Variants in DNER observed in about 807,000 individuals in gnomAD.
DNER encodes delta and Notch-like epidermal growth factor-related receptor.
A neutral mutation model predicts 78.2 loss-of-function variants in DNER; 33 were observed. That is an observed-to-expected ratio of 0.42 (90% CI 0.32 to 0.56). DNER has a LOEUF of 0.56. DNER is among the 20% of genes least tolerant of loss of function. DNER has a pLI of 0.11. For synonymous variants in DNER, 417 were observed against 384.8 expected (o/e 1.08, Z -0.98); for missense variants, 918 against 975.3 (o/e 0.94, Z 0.78).
intron 1 of DNER, among the ~76,000 whole-genome samples, chr2:229,693,634 G>C (rs894396657): frequency 6.6e-6 from 1 of 152,124 alleles, no homozygotes; most frequent in Non-Finnish European, 1.5e-5. Flanking sequence ...CCAGAGTAAA[G>C]GTCACTCTTG....
At chr2:229,544,078 GA>G (rs200365741) in intron 5 of DNER, among the ~76,000 whole-genome samples, 2 of 151,622 alleles carry the variant, frequency 1.3e-5, no homozygotes, top group African/African-American at 4.9e-5. Context: ...AATTAAAAAA[GA>G]AAAAAAATAT....
At chr2:229,563,590 ACATCATCACCCCATCACCATCAT>A (rs1190399581) in intron 4 of DNER, among the ~76,000 whole-genome samples, 1 of 94,366 alleles carries the variant, frequency 1.1e-5, no homozygotes, top group Non-Finnish European at 2.1e-5. Flanking sequence ...ATCATCATTA[ACATCATCACCCCATCACCATCAT>A]CATCATCACC....
chr2:229,370,041 T>C (rs1200117258), intron 11 of DNER, among the ~76,000 whole-genome samples: 1 of 152,172 alleles, frequency 6.6e-6, no homozygotes, highest in Non-Finnish European at 1.5e-5. Context: ...ACAGGACTCT[T>C]CTCACTGTCC....
At chr2:229,640,561 G>C (rs960968120) in intron 1 of DNER, among the ~76,000 whole-genome samples, 2 of 152,006 alleles carry the variant, frequency 1.3e-5, no homozygotes, top group African/African-American at 4.8e-5. Context: ...TTTCAAATCA[G>C]TTTAGCTTTA....
At chr2:229,518,910 C>A (rs1478359712) in intron 5 of DNER, among the ~76,000 whole-genome samples, 1 of 151,878 alleles carries the variant, frequency 6.6e-6, no homozygotes, top group Non-Finnish European at 1.5e-5. Context: ...GTCTTTAGAA[C>A]TCATGTTTCA....
intron 1 of DNER, among the ~76,000 whole-genome samples, chr2:229,698,865 G>A (rs890373266): frequency 6.6e-5 from 10 of 152,116 alleles, no homozygotes; most frequent in African/African-American, 2.4e-4. Flanking sequence ...AGAAATAAAA[G>A]AATTCCCTTT....
In DNER at chr2:229,581,898, T is replaced by C. The variant is rs547593182; in HGVS notation, c.847+3960A>G. The stretch of plus-strand genomic sequence containing the variant: ...TGTTTATTTTTATTTATTTATTTAT[T>C]ATCCAGCTGAATTTAAGATTTGTGG... On this transcript the variant is annotated intron_variant, in intron 4 of 12. Transcript: ENST00000341772. Among the ~76,000 whole-genome samples, 144 of 152,332 alleles carry C rather than the reference T, an allele frequency of 9.5e-4. 1 individual carries two copies. Among genetic ancestry groups the C allele is most frequent in the African/African-American group, 3.3e-3 (137 of 41,574 alleles).
At chr2:229,551,893 C>T (rs1026162784) in intron 4 of DNER, among the ~76,000 whole-genome samples, 1 of 151,940 alleles carries the variant, frequency 6.6e-6, no homozygotes, top group African/African-American at 2.4e-5. Flanking sequence ...GATTGCACCA[C>T]TGCACTCCAG....
At position 229,444,939 on chromosome 2, in the gene DNER, G is replaced by A. The variant is rs111605024; in HGVS notation, c.1486+2377C>T. Among the ~76,000 whole-genome samples, 910 of 152,264 alleles carry A rather than the reference G, an allele frequency of 6.0e-3. 9 individuals carry two copies. The highest frequency in any genetic ancestry group is 0.02 in the African/African-American group (845 of 41,554). On this transcript the variant is annotated intron_variant, in intron 8 of 12. Transcript: ENST00000341772. ...GAGAAAGGGAGGAGAAAATAAAGTT[G>A]TTTTCTGGTCTTACAATATTTAATT...
At chr2:229,529,732 G>A (rs763438671) in intron 5 of DNER, among the ~76,000 whole-genome samples, 1 of 152,194 alleles carries the variant, frequency 6.6e-6, no homozygotes, top group African/African-American at 2.4e-5. Context: ...AAGAGGCCAG[G>A]TGCAATGGCT....
chr2:229,572,002 C>G (rs1308287079), intron 4 of DNER, among the ~76,000 whole-genome samples: 1 of 152,158 alleles, frequency 6.6e-6, no homozygotes. Flanking sequence ...TGCCTACAAG[C>G]TAAATACAGA....
At chr2:229,500,240 A>C (rs976088298) in intron 6 of DNER, among the ~76,000 whole-genome samples, 2 of 152,134 alleles carry the variant, frequency 1.3e-5, no homozygotes, top group African/African-American at 4.8e-5. Context: ...GCCCTGAATA[A>C]GCTTTCTAAA....
intron 1 of DNER, among the ~76,000 whole-genome samples, chr2:229,700,284 A>ATG (rs74181354): frequency 0.047 from 1,720 of 36,546 alleles, 24 homozygotes; most frequent in South Asian, 0.07. Flanking sequence ...ATGTCAATAT[A>ATG]TGTGTGTGTG....
chr2:229,660,166 G>A (rs1035931878), intron 1 of DNER, among the ~76,000 whole-genome samples: 1 of 152,110 alleles, frequency 6.6e-6, no homozygotes, highest in African/African-American at 2.4e-5. Context: ...GTGCAGGTTT[G>A]TTACATAGGT....
intron 7 of DNER, among the ~76,000 whole-genome samples, chr2:229,460,601 CATT>C (rs932288130): frequency 5.3e-5 from 8 of 151,898 alleles, no homozygotes; most frequent in African/African-American, 1.9e-4. Flanking sequence ...CATCTGATGA[CATT>C]ATAAATTTTC....
At chr2:229,468,874 T>C (rs759796) in intron 7 of DNER, among the ~76,000 whole-genome samples, 53,807 of 151,796 alleles carry the variant, frequency 0.35, 11,160 homozygotes, top group African/African-American at 0.57. Flanking sequence ...CAATTCTGAA[T>C]ATGAACTCTC....
At chr2:229,489,318 C>T (rs935034820) in intron 6 of DNER, among the ~76,000 whole-genome samples, 3 of 152,180 alleles carry the variant, frequency 2.0e-5, no homozygotes, top group African/African-American at 4.8e-5. Flanking sequence ...AACTTGGTGG[C>T]ACTCCAAAGA....
At chr2:229,687,554 C>T (rs1048777026) in intron 1 of DNER, among the ~76,000 whole-genome samples, 2 of 152,068 alleles carry the variant, frequency 1.3e-5, no homozygotes, top group East Asian at 1.9e-4. Context: ...ACGTGAGCAA[C>T]CACACCTGGC....
chr2:229,472,625 G>C (rs190737743), intron 7 of DNER, among the ~76,000 whole-genome samples: 1 of 152,226 alleles, frequency 6.6e-6, no homozygotes, highest in Non-Finnish European at 1.5e-5. Flanking sequence ...AATGCATTTA[G>C]TTTAAAACTT....
Sources: gnomAD v4.1 joint callset for allele counts (sites outside exome capture counted in the v4.1 genomes callset) on GRCh38, gnomAD v4.1.1 for gene constraint, MANE v1.5 for transcripts, NCBI Gene and HGNC (gene_info 2026-07-23, HGNC 2026-07-21) for gene names.